Variants in PABPC1L observed in about 807,000 individuals in gnomAD.
PABPC1L encodes the protein poly(A) binding protein cytoplasmic 1 like, also known as polyadenylate-binding protein 1-like.
PABPC1L carries 31 observed loss-of-function variants against 66.6 expected under a neutral mutation model. The ratio of observed to expected loss-of-function variants is 0.47; its 90% confidence interval spans 0.35 to 0.63. The LOEUF is 0.63. Among genes scored for constraint, PABPC1L ranks in the 20% least tolerant of loss-of-function variants. The probability of loss-of-function intolerance (pLI) is 0.00; values close to 1 mark genes in which losing one functional copy is unlikely to be tolerated. For synonymous variants in PABPC1L, 348 were observed against 335.1 expected, an observed-to-expected ratio of 1.04 and a Z score of -0.42; for missense variants, 722 against 848.8, an observed-to-expected ratio of 0.85 and a Z score of 1.86.
At chr20:44,932,273 T>C (rs3746582) in intron 8 of PABPC1L, 69 bp from the exon 9 acceptor site, 117,769 of 1,267,338 alleles carry the variant, frequency 0.093, 5,863 homozygotes, top group East Asian at 0.14. Flanking sequence ...ATGGTGTCCC[T>C]GAGGAGGTGT....
chr20:44,933,748 A>ATTTTTT (rs749525367), intron 10 of PABPC1L, among the ~76,000 whole-genome samples: 2 of 119,482 alleles, frequency 1.7e-5, no homozygotes, highest in East Asian at 2.4e-4. Context: ...CCCAGCCTTA[A>ATTTTTT]TTTTTTTTTT....
chr20:44,921,884 A>G (rs536700755), intron 6 of PABPC1L, among the ~76,000 whole-genome samples, 153 bp downstream of exon 6: 1 of 152,300 alleles, frequency 6.6e-6, no homozygotes, highest in South Asian at 2.1e-4. Context: ...CCCACTGCCT[A>G]ATGTATAACA....
Position 44,916,762 on chromosome 20 carries a change from T to A in PABPC1L, c.394T>A (p.Cys132Ser). Residue 132 changes from cysteine (C) to serine (S), a missense_variant, in exon 3 of 15, where the codon TGT becomes AGT. By Grantham distance (112) the Cys-to-Ser change is moderately radical. Transcript: ENST00000217073. ...CTTCCTCCCTGTGGCCCAGGTGGCG[T>A]GTGACGAGCATGGCTCCCGGGGTTT... ...FGNILSCKVACDEHGSRGFGF... is the reference protein window; with the variant it reads ...FGNILSCKVASDEHGSRGFGF... The A allele has an allele frequency of 1.2e-6, 2 of 1,614,196 alleles. No homozygotes were observed. Among genetic ancestry groups the A allele is most frequent in the Non-Finnish European group, 1.7e-6 (2 of 1,180,024 alleles).
At chr20:44,914,516 C>T (rs1368396252) in intron 2 of PABPC1L, among the ~76,000 whole-genome samples, 3 of 152,064 alleles carry the variant, frequency 2.0e-5, no homozygotes, top group South Asian at 4.1e-4. Flanking sequence ...CATGTCAGAA[C>T]TTTTATCAAG....
chr20:44,930,319 G>A (rs1013125071), intron 7 of PABPC1L, 141 bp from the exon 8 acceptor site: 1 of 1,170,020 alleles, frequency 8.5e-7, no homozygotes, highest in South Asian at 1.5e-5. Context: ...AGTAAACAGG[G>A]GTGCACGCTA....
chr20:44,921,482 AGCTAGTGTGG>A, intron 5 of PABPC1L, 102 bp from the exon 6 acceptor site: 1 of 1,444,680 alleles, frequency 6.9e-7, no homozygotes, highest in Non-Finnish European at 9.4e-7. Flanking sequence ...GATTATTCTC[AGCTAGTGTGG>A]CCAGCCTGGT....
chr20:44,934,538 T>C (rs2066885871), intron 10 of PABPC1L, among the ~76,000 whole-genome samples: 1 of 152,218 alleles, frequency 6.6e-6, no homozygotes, highest in Non-Finnish European at 1.5e-5. Flanking sequence ...CTCTGTGAAT[T>C]TGACTGTTCT....
At chr20:44,937,972 A>G in intron 12 of PABPC1L, 89 bp from the exon 13 acceptor site, 2 of 1,567,928 alleles carry the variant, frequency 1.3e-6, no homozygotes, top group South Asian at 1.2e-5. Context: ...AAGAACCCAG[A>G]TGTCCTCAGT....
chr20:44,930,869 A>G lies in PABPC1L; in HGVS notation c.1239+143A>G, dbSNP rs1424663436. On this transcript the variant is annotated intron_variant, in intron 8 of 14. Transcript: ENST00000217073. Reference sequence around the variant, plus strand: ...TTAGGAAGTCTTTGTTTCCCTCTCTATAAAAGGGAGAGATAGTGTTAGTCA... The same window carrying G: ...TTAGGAAGTCTTTGTTTCCCTCTCTGTAAAAGGGAGAGATAGTGTTAGTCA... The G allele has an allele frequency of 3.5e-6, 4 of 1,157,422 alleles. No homozygotes were observed. In the African/African-American group the frequency reaches 4.7e-5, roughly 14 times the overall value. 71.7% of individuals were successfully genotyped at this position (1,157,422 alleles called of 1,614,324 possible).
At chr20:44,930,027 G>C (rs73296567) in intron 7 of PABPC1L, among the ~76,000 whole-genome samples, 1,822 of 152,180 alleles carry the variant, frequency 0.012, 31 homozygotes, top group African/African-American at 0.039. Flanking sequence ...AGTGACCCCA[G>C]ACAAGTCACT....
intron 1 of PABPC1L, among the ~76,000 whole-genome samples, chr20:44,911,147 TAAATA>T: frequency 1.8e-5 from 1 of 55,128 alleles, no homozygotes; most frequent in East Asian, 4.7e-4. Context: ...AATAAATAAA[TAAATA>T]AATAAATAAA....
intron 6 of PABPC1L, among the ~76,000 whole-genome samples, chr20:44,922,230 C>G (rs906045351): frequency 6.6e-6 from 1 of 152,026 alleles, no homozygotes; most frequent in Non-Finnish European, 1.5e-5. Context: ...GAAGTGAACC[C>G]CTCTAAGATT....
intron 2 of PABPC1L, among the ~76,000 whole-genome samples, chr20:44,914,083 T>TGGAACAG (rs1287245804): frequency 6.6e-6 from 1 of 152,148 alleles, no homozygotes; most frequent in Admixed American, 6.5e-5. Context: ...AACAGAGGGC[T>TGGAACAG]TAAACCTGGG....
chr20:44,911,135 AAAATAAAT>A (rs34724097), intron 1 of PABPC1L, among the ~76,000 whole-genome samples: 9,677 of 147,550 alleles, frequency 0.066, 345 homozygotes, highest in African/African-American at 0.068. Context: ...GTGGTAACCT[AAAATAAAT>A]AAATAAATAA....
At chr20:44,931,151 T>C (rs1601121774) in intron 8 of PABPC1L, among the ~76,000 whole-genome samples, 1 of 132,490 alleles carries the variant, frequency 7.5e-6, no homozygotes, top group East Asian at 2.2e-4. Flanking sequence ...AATGGCGTGA[T>C]CATGGCTCCT....
At chr20:44,914,241 CTG>C (rs2066724047) in intron 2 of PABPC1L, among the ~76,000 whole-genome samples, 1 of 137,486 alleles carries the variant, frequency 7.3e-6, no homozygotes, top group Admixed American at 7.6e-5. Flanking sequence ...GAGTCTCACT[CTG>C]TTGCCCAGGC....
At chr20:44,924,124 G>T in intron 6 of PABPC1L, 37 bp from the exon 7 acceptor site, 2 of 1,540,446 alleles carry the variant, frequency 1.3e-6, no homozygotes, top group South Asian at 1.1e-5. Context: ...GGGCTTGGAG[G>T]AGAAGGGGAC....
intron 9 of PABPC1L, 171 bp downstream of exon 9, chr20:44,932,603 A>T (rs1258984516): frequency 3.4e-6 from 2 of 581,406 alleles, no homozygotes; most frequent in Non-Finnish European, 6.0e-6. Flanking sequence ...GACGTGTGTA[A>T]AGTACCAAGC....
intron 7 of PABPC1L, among the ~76,000 whole-genome samples, chr20:44,929,679 C>T (rs1366762668): frequency 6.6e-6 from 1 of 151,754 alleles, no homozygotes; most frequent in Non-Finnish European, 1.5e-5. Flanking sequence ...CCTGTAGTCC[C>T]ATCTACCCAG....
Sources: gnomAD v4.1 joint callset for allele counts (sites outside exome capture counted in the v4.1 genomes callset) on GRCh38, gnomAD v4.1.1 for gene constraint, MANE v1.5 for transcripts, NCBI Gene and HGNC (gene_info 2026-07-23, HGNC 2026-07-21) for gene names.